Variants in RIC3 observed in about 807,000 individuals in gnomAD.
RIC3 encodes RIC3 acetylcholine receptor chaperone.
A neutral mutation model predicts 27.3 loss-of-function variants in RIC3; 28 were observed. The observed-to-expected ratio is 1.02, with a 90% CI of 0.76 to 1.41. The LOEUF (loss-of-function observed/expected upper bound fraction) is 1.41. RIC3 is among the 40% of genes most tolerant of loss of function. The pLI is 0.00. For synonymous variants in RIC3, 184 were observed against 160.4 expected, an observed-to-expected ratio of 1.15 and a Z score of -1.11; for missense variants, 501 against 444.7, an observed-to-expected ratio of 1.13 and a Z score of -1.14.
chr11:8,107,668 C>T lies in RIC3; in HGVS notation c.*3030G>A, dbSNP rs4758292. 0.064 allele frequency: 9,697 copies of T among 152,270 alleles called. 392 individuals carry two copies. The highest frequency in any genetic ancestry group is 0.1 in the South Asian group (494 of 4,818). 9.4% of individuals were successfully genotyped at this position (152,270 alleles called of 1,614,324 possible). A position where few individuals can be genotyped will look rare whatever the true frequency, so the allele number is the denominator to read the frequency against. ...CCACTCCTCATCACGACTCCCTGGG[C>T]CCAGCTTCTGGAGCTAGTCATGGAG... On this transcript the variant is annotated 3_prime_UTR_variant, in exon 6 of 6. Coordinates refer to ENST00000309737, the MANE Select transcript of RIC3 (RefSeq NM_001206671.4).
chr11:8,166,941 G>A (rs1004480798), intron 1 of RIC3, among the ~76,000 whole-genome samples: 12 of 151,936 alleles, frequency 7.9e-5, no homozygotes, highest in Non-Finnish European at 1.8e-4. Flanking sequence ...GAGGGACAGA[G>A]GGAGGAAGGA....
At chr11:8,125,105 T>A (rs1258484595) in intron 5 of RIC3, among the ~76,000 whole-genome samples, 1 of 151,766 alleles carries the variant, frequency 6.6e-6, no homozygotes, top group Non-Finnish European at 1.5e-5. Flanking sequence ...TACAAAAAAA[T>A]TAGCCAGGCA....
the RIC3 span, chr11:8,097,808 G>C: frequency 6.2e-7 from 1 of 1,613,684 alleles, no homozygotes; most frequent in Non-Finnish European, 8.5e-7. Flanking sequence ...GGAGGGGACA[G>C]CTATATCGGG....
At chr11:8,103,308 C>T (rs559076628), downstream of RIC3, 4 of 152,284 alleles carry the variant, frequency 2.6e-5, no homozygotes, top group South Asian at 2.1e-4. Context: ...GCTTCTTGCC[C>T]AGATAGAGAT....
At chr11:8,136,173 A>C (rs761592212) in intron 4 of RIC3, among the ~76,000 whole-genome samples, 10 of 152,200 alleles carry the variant, frequency 6.6e-5, no homozygotes, top group Non-Finnish European at 1.3e-4. Context: ...ATGCCAGGTC[A>C]GGAGGCTGCA....
chr11:8,113,944 G>C (rs939557766), intron 5 of RIC3, among the ~76,000 whole-genome samples: 4 of 152,140 alleles, frequency 2.6e-5, no homozygotes, highest in African/African-American at 9.7e-5. Context: ...CTAGGCTTTG[G>C]GATAGCCTCT....
chr11:8,158,907 A>G (rs1472499597), intron 1 of RIC3, among the ~76,000 whole-genome samples: 4 of 147,792 alleles, frequency 2.7e-5, no homozygotes, highest in Admixed American at 6.8e-5. Flanking sequence ...GAATTTTTGT[A>G]TTTTTAGTAG....
chr11:8,146,175 C>G (rs1949657620), intron 1 of RIC3, among the ~76,000 whole-genome samples: 1 of 152,156 alleles, frequency 6.6e-6, no homozygotes, highest in Non-Finnish European at 1.5e-5. Context: ...AATGGAAAAT[C>G]AAAATGGAGT....
In RIC3 at chr11:8,109,678, T is replaced by G. The variant is rs1945031053; in HGVS notation, c.*1020A>C. On this transcript the variant is annotated 3_prime_UTR_variant, in exon 6 of 6. Coordinates refer to ENST00000309737, the MANE Select transcript of RIC3 (RefSeq NM_001206671.4). ...TTCAATTTATGGTTCTGAGAAGAAA[T>G]TTCTCAAAGGGTGCAACATTCAGAA... 6.6e-6 allele frequency: 1 copy of G among 152,194 alleles called. No individual in the cohort carries two copies. Among genetic ancestry groups the G allele is most frequent in the Admixed American group, 6.5e-5 (1 of 15,278 alleles). The allele number at this position is 152,194 out of a possible 1,614,324, so 9.4% of individuals were successfully genotyped here. A position where few individuals can be genotyped will look rare whatever the true frequency, so the allele number is the denominator to read the frequency against.
At chr11:8,138,577 A>C (rs911321321) in intron 2 of RIC3, 5 of 479,006 alleles carry the variant, frequency 1.0e-5, no homozygotes, top group African/African-American at 9.9e-5. Context: ...ATTCCTCTTC[A>C]AAGAGACTTT....
chr11:8,161,232 C>A (rs888871343), intron 1 of RIC3, among the ~76,000 whole-genome samples: 2 of 152,192 alleles, frequency 1.3e-5, no homozygotes, highest in Admixed American at 1.3e-4. Context: ...TCTGTAGCTA[C>A]CTGCTTAGGA....
chr11:8,144,801 C>A (rs1949493683), intron 1 of RIC3, among the ~76,000 whole-genome samples: 1 of 151,776 alleles, frequency 6.6e-6, no homozygotes, highest in African/African-American at 2.4e-5. Flanking sequence ...CAATGATAGA[C>A]TAGATTAAGA....
chr11:8,116,463 G>GA (rs141585381), intron 5 of RIC3, among the ~76,000 whole-genome samples: 39,194 of 152,040 alleles, frequency 0.26, 5,129 homozygotes, highest in East Asian at 0.44. Flanking sequence ...TACAGCAAAG[G>GA]AAACAACAGT....
intron 1 of RIC3, among the ~76,000 whole-genome samples, chr11:8,155,820 T>G (rs942461317): frequency 4.6e-5 from 7 of 152,308 alleles, no homozygotes; most frequent in East Asian, 1.9e-4. Context: ...AGGGGGCCAG[T>G]TGCTTAAGAT....
At chr11:8,128,720 G>GTTCTATCA (rs1429133112) in intron 4 of RIC3, among the ~76,000 whole-genome samples, 1 of 130,496 alleles carries the variant, frequency 7.7e-6, no homozygotes, top group Non-Finnish European at 1.7e-5. Context: ...TCTGGATTCC[G>GTTCTATCA]TTCTATCATT....
In RIC3 at chr11:8,108,084, A is replaced by G. The variant is rs1944870070; in HGVS notation, c.*2614T>C. The G allele has an allele frequency of 6.6e-6, 1 of 152,252 alleles. No homozygotes were observed. Among genetic ancestry groups the G allele is most frequent in the Non-Finnish European group, 1.5e-5 (1 of 68,050 alleles). 9.4% of individuals were successfully genotyped at this position (152,252 alleles called of 1,614,324 possible). ...AAATGTCTGATATATAAATACACAAATATATTCCTTATATATAAACCAACC... is the reference window on the plus strand; with the variant it reads ...AAATGTCTGATATATAAATACACAAGTATATTCCTTATATATAAACCAACC... On this transcript the variant is annotated 3_prime_UTR_variant, in exon 6 of 6. Coordinates refer to ENST00000309737, the MANE Select transcript of RIC3 (RefSeq NM_001206671.4).
chr11:8,107,892 T>A lies in RIC3; in HGVS notation c.*2806A>T, dbSNP rs551262353. On this transcript the variant is annotated 3_prime_UTR_variant, in exon 6 of 6. Coordinates refer to ENST00000309737, the MANE Select transcript of RIC3 (RefSeq NM_001206671.4). The stretch of plus-strand genomic sequence containing the variant: ...AAGTTCCCAGCACCCTCGTGAGAAA[T>A]GAAGACCGCAAGAAAAGAGACAGCA... The A allele has an allele frequency of 3.3e-5, 5 of 152,212 alleles. No individual in the cohort carries two copies. Among genetic ancestry groups the A allele is most frequent in the African/African-American group, 1.2e-4 (5 of 41,526 alleles). The allele number at this position is 152,212 out of a possible 1,614,324, so 9.4% of individuals were successfully genotyped here.
intron 2 of RIC3, chr11:8,138,764 G>C (rs1447018825): frequency 4.3e-6 from 1 of 234,038 alleles, no homozygotes; most frequent in East Asian, 1.4e-4. Context: ...CAAGCATGAG[G>C]TCATAGCCTG....
the RIC3 span, chr11:8,097,888 G>A: frequency 6.1e-6 from 8 of 1,302,442 alleles, no homozygotes; most frequent in South Asian, 1.0e-4. Flanking sequence ...CAAGCTGTCT[G>A]TAGAGGGCCT....
Sources: allele counts gnomAD v4.1 joint callset (sites outside exome capture counted in the v4.1 genomes callset), GRCh38; gene constraint gnomAD v4.1.1; transcripts MANE v1.5; gene names NCBI Gene and HGNC (gene_info 2026-07-23, HGNC 2026-07-21).